The following NEK7 variants were observed in gnomAD, a reference collection of about 807,000 sequenced individuals.
The protein encoded by NEK7 is NIMA related kinase 7, also known as serine/threonine-protein kinase Nek7.
Under a neutral mutation model 44.6 loss-of-function variants are expected in NEK7, and 18 were observed. The observed-to-expected ratio is 0.40, with a 90% CI of 0.28 to 0.60. The LOEUF (loss-of-function observed/expected upper bound fraction) is 0.60. NEK7 is among the 20% of genes least tolerant of loss of function. The pLI is 0.38. For synonymous variants in NEK7, 130 were observed against 121.1 expected, an observed-to-expected ratio of 1.07 and a Z score of -0.48; for missense variants, 256 against 366.5, an observed-to-expected ratio of 0.70 and a Z score of 2.46.
intron 1 of NEK7, among the ~76,000 whole-genome samples, chr1:198,169,751 A>T (rs1266879446): frequency 1.3e-5 from 2 of 152,250 alleles, no homozygotes; most frequent in East Asian, 1.9e-4. Flanking sequence ...ATACAAAAAA[A>T]TACAAATAAA....
chr1:198,263,650 T>C (rs757519558), intron 4 of NEK7, among the ~76,000 whole-genome samples: 2 of 151,944 alleles, frequency 1.3e-5, no homozygotes, highest in Non-Finnish European at 2.9e-5. Flanking sequence ...AAGCAATAGT[T>C]AGATATAGTA....
At chr1:198,167,438 G>A (rs147538293) in intron 1 of NEK7, among the ~76,000 whole-genome samples, 111 of 152,248 alleles carry the variant, frequency 7.3e-4, no homozygotes, top group African/African-American at 2.5e-3. Flanking sequence ...TATATGATAT[G>A]CACTCATTAA....
chr1:198,173,143 A>G (rs1265514616), intron 1 of NEK7, among the ~76,000 whole-genome samples: 1 of 152,110 alleles, frequency 6.6e-6, no homozygotes, highest in Non-Finnish European at 1.5e-5. Flanking sequence ...TTAAAAGTGC[A>G]GTTTTTCGGA....
At chr1:198,180,424 G>A (rs1391130172) in intron 1 of NEK7, among the ~76,000 whole-genome samples, 1 of 151,964 alleles carries the variant, frequency 6.6e-6, no homozygotes, top group Non-Finnish European at 1.5e-5. Flanking sequence ...TTTGGATGAG[G>A]TTTCTTTCCT....
At chr1:198,275,295 A>C (rs1164538648) in intron 5 of NEK7, among the ~76,000 whole-genome samples, 1 of 151,142 alleles carries the variant, frequency 6.6e-6, no homozygotes, top group Non-Finnish European at 1.5e-5. Context: ...CAGATACTTT[A>C]TTTTCAACTA....
chr1:198,266,234 A>C (rs4348755), intron 5 of NEK7, among the ~76,000 whole-genome samples: 1 of 151,870 alleles, frequency 6.6e-6, no homozygotes, highest in Non-Finnish European at 1.5e-5. Flanking sequence ...ATATCTATAC[A>C]TACTCTATTG....
At chr1:198,284,436 A>G (rs1350233900) in intron 7 of NEK7, among the ~76,000 whole-genome samples, 1 of 152,164 alleles carries the variant, frequency 6.6e-6, no homozygotes, top group Non-Finnish European at 1.5e-5. Context: ...CTGCTCCAAG[A>G]TTCAGAAGTA....
chr1:198,262,662 T>C (rs1242606436), intron 4 of NEK7, 25 bp downstream of exon 4: 1 of 1,407,278 alleles, frequency 7.1e-7, no homozygotes, highest in African/African-American at 1.4e-5. Context: ...GTTGACTCTT[T>C]TGAACATAAC....
chr1:198,300,791 T>G (rs1654860106), intron 9 of NEK7, among the ~76,000 whole-genome samples: 1 of 152,180 alleles, frequency 6.6e-6, no homozygotes, highest in Non-Finnish European at 1.5e-5. Flanking sequence ...AAATGACAAT[T>G]GAATGAGTGA....
intron 2 of NEK7, among the ~76,000 whole-genome samples, chr1:198,235,584 C>T (rs867943216): frequency 2.0e-5 from 3 of 152,140 alleles, no homozygotes; most frequent in Middle Eastern, 3.4e-3. Context: ...AATTTTTACT[C>T]TTTACTGTAA....
chr1:198,226,724 A>G (rs1666238077), intron 1 of NEK7, among the ~76,000 whole-genome samples: 1 of 119,508 alleles, frequency 8.4e-6, no homozygotes, highest in African/African-American at 3.4e-5. Flanking sequence ...GCTCAGAAGG[A>G]GTCCTTCTAA....
At chr1:198,240,254 CACTT>C (rs1387904739) in intron 2 of NEK7, among the ~76,000 whole-genome samples, 4 of 152,270 alleles carry the variant, frequency 2.6e-5, no homozygotes, top group South Asian at 2.1e-4. Flanking sequence ...AGATTCATCA[CACTT>C]ACATACTTAC....
intron 2 of NEK7, among the ~76,000 whole-genome samples, chr1:198,242,765 C>T (rs963740238): frequency 2.6e-5 from 4 of 151,232 alleles, no homozygotes; most frequent in South Asian, 2.1e-4. Flanking sequence ...CCTGGCCAAT[C>T]TCAGCTCACT....
At chr1:198,161,821 A>C (rs1052145510) in intron 1 of NEK7, among the ~76,000 whole-genome samples, 66 of 152,088 alleles carry the variant, frequency 4.3e-4, no homozygotes, top group African/African-American at 1.3e-3. Flanking sequence ...GTCTTTACTA[A>C]ATGAAAACTA....
At chr1:198,236,739 A>G (rs921770811) in intron 2 of NEK7, among the ~76,000 whole-genome samples, 3 of 152,114 alleles carry the variant, frequency 2.0e-5, no homozygotes, top group Admixed American at 2.0e-4. Context: ...CTCAAAGGCC[A>G]ACCCTCCCAT....
chr1:198,157,766 A>T (rs1005294682), intron 1 of NEK7, among the ~76,000 whole-genome samples: 2 of 152,146 alleles, frequency 1.3e-5, no homozygotes, highest in African/African-American at 4.8e-5. Context: ...GCCGGCAGAT[A>T]GGGGAGAATC....
At chr1:198,166,691 TA>T (rs1664279021) in intron 1 of NEK7, among the ~76,000 whole-genome samples, 1 of 152,232 alleles carries the variant, frequency 6.6e-6, no homozygotes, top group Non-Finnish European at 1.5e-5. Flanking sequence ...TTTACCGTTT[TA>T]TTTGGACATG....
intron 1 of NEK7, chr1:198,221,234 T>C (rs1260722022): frequency 2.0e-5 from 3 of 152,024 alleles, no homozygotes; most frequent in Admixed American, 6.6e-5. Flanking sequence ...AAATAATCTT[T>C]GGAAACATAA....
chr1:198,288,953 T>C (rs972965032), intron 7 of NEK7, among the ~76,000 whole-genome samples: 1 of 152,220 alleles, frequency 6.6e-6, no homozygotes, highest in Non-Finnish European at 1.5e-5. Flanking sequence ...TTTTATTTTA[T>C]AAATGTCTTT....
Sources: allele counts gnomAD v4.1 joint callset (sites outside exome capture counted in the v4.1 genomes callset), GRCh38; gene constraint gnomAD v4.1.1; transcripts MANE v1.5; gene names NCBI Gene and HGNC (gene_info 2026-07-23, HGNC 2026-07-21).